MEGF6: variants seen among roughly 807,000 people sequenced by gnomAD.
MEGF6 encodes the protein multiple epidermal growth factor-like domains protein 6.
MEGF6 carries 184 observed loss-of-function variants against 207.1 expected under a neutral mutation model. The ratio of observed to expected loss-of-function variants is 0.89; its 90% CI spans 0.79 to 1.00. The LOEUF (loss-of-function observed/expected upper bound fraction) is 1.00. Among genes scored for constraint, MEGF6 ranks in the 50% least tolerant of loss-of-function variants. MEGF6 has a pLI of 0.00. For synonymous variants in MEGF6, 1,038 were observed against 910.0 expected (o/e 1.14, Z -2.53); for missense variants, 2,282 against 2,202.9 (o/e 1.04, Z -0.72).
chr1:3,525,677 C>T (rs1641934226), intron 4 of MEGF6, among the ~76,000 whole-genome samples: 2 of 152,236 alleles, frequency 1.3e-5, no homozygotes, highest in Non-Finnish European at 2.9e-5. Flanking sequence ...GCAGGACCCC[C>T]GGGATGCACC....
At chr1:3,531,223 C>G in intron 4 of MEGF6, 1 of 1,485,724 alleles carries the variant, frequency 6.7e-7, no homozygotes, top group Non-Finnish European at 8.9e-7. Context: ...CGCGGCCAGC[C>G]CGCGGTCCCG....
chr1:3,506,004 C>A, intron 15 of MEGF6, 104 bp downstream of exon 15: 3 of 1,431,266 alleles, frequency 2.1e-6, no homozygotes, highest in Non-Finnish European at 2.8e-6. Context: ...CCTGGCTGGG[C>A]CCCGATAGCC....
At chr1:3,582,584 A>C (rs10909975) in intron 3 of MEGF6, among the ~76,000 whole-genome samples, 32,317 of 152,000 alleles carry the variant, frequency 0.21, 3,820 homozygotes, top group East Asian at 0.37. Flanking sequence ...TTTAGAATAC[A>C]ACTCAGATCT....
rs1034808716 is a variant in MEGF6 at position 3,611,448 on chromosome 1, C to A, written c.-180G>T. 2.4e-6 allele frequency: 2 copies of A among 817,702 alleles called. No individual in the cohort carries two copies. The highest frequency in any genetic ancestry group is 3.5e-5 in the East Asian group (1 of 28,890). 50.7% of individuals were successfully genotyped at this position (817,702 alleles called of 1,614,324 possible). The stretch of plus-strand genomic sequence containing the variant: ...TTCCCGCCCGCGCCCAAAGTGGCAC[C>A]GCGGAGACCTGATCGCCGGGTCCAC... On this transcript the variant is annotated 5_prime_UTR_variant, in exon 1 of 37. Coordinates refer to ENST00000356575, the MANE Select transcript of MEGF6 (RefSeq NM_001409.4).
At chr1:3,530,371 C>G (rs932531171) in intron 4 of MEGF6, among the ~76,000 whole-genome samples, 1 of 152,218 alleles carries the variant, frequency 6.6e-6, no homozygotes, top group Non-Finnish European at 1.5e-5. Flanking sequence ...TGCCTACCCC[C>G]GGGTGATGCG....
Position 3,600,677 on chromosome 1 carries a change from A to ATTTGGGAG in MEGF6, c.266+1788_266+1789insCTCCCAAA, listed in dbSNP as rs1570237852. Among the ~76,000 whole-genome samples, 12 of 152,266 alleles carry ATTTGGGAG rather than the reference A, an allele frequency of 7.9e-5. No homozygotes were observed. The East Asian group carries it at 1.7e-3, about 22-fold the overall frequency. On this transcript the variant is annotated intron_variant, in intron 2 of 36. Transcript: ENST00000356575. ...TCAGCCTCCAGCAGCTTGGGAGGGG[A>ATTTGGGAG]CACAAATTGGAAACGTGGGATTTGG... is the stretch of plus-strand genomic sequence containing the variant.
At chr1:3,502,000 G>A (rs1197456188) in intron 17 of MEGF6, 79 bp from the exon 18 acceptor site, 2 of 1,504,728 alleles carry the variant, frequency 1.3e-6, no homozygotes, top group Non-Finnish European at 1.8e-6. Flanking sequence ...GGGGCTCCTG[G>A]TGAGTGTGCC....
rs777148828 is a variant in MEGF6, at chr1:3,556,273, G to A, written c.481+23552C>T. 6.6e-6 allele frequency among the ~76,000 whole-genome samples: 1 copy of A among 152,222 alleles called. No individual in the cohort carries two copies. Among genetic ancestry groups the A allele is most frequent in the Admixed American group, 6.5e-5 (1 of 15,290 alleles). On this transcript the variant is annotated intron_variant, in intron 4 of 36. Transcript: ENST00000356575. This position sits in a 1 kb window ranked among gnomAD's most constrained non-coding sequence, Gnocchi z 4.4. ...TACATAACCTAGAGCTCTGTGTGAGGCCCGCAGGCCAGGTCAGAATTAAAC... is the reference window on the plus strand; with the variant it reads ...TACATAACCTAGAGCTCTGTGTGAGACCCGCAGGCCAGGTCAGAATTAAAC...
intron 3 of MEGF6, among the ~76,000 whole-genome samples, chr1:3,581,130 G>A (rs886464277): frequency 1.3e-5 from 2 of 152,106 alleles, no homozygotes; most frequent in Non-Finnish European, 2.9e-5. Flanking sequence ...TGACCGGCTC[G>A]GGCTTCAGGG....
chr1:3,547,728 C>A (rs1284129380), intron 4 of MEGF6, among the ~76,000 whole-genome samples: 1 of 152,198 alleles, frequency 6.6e-6, no homozygotes, highest in Non-Finnish European at 1.5e-5. Flanking sequence ...CTGCCAGGAC[C>A]CAGAGCCCAT....
intron 11 of MEGF6, 139 bp downstream of exon 11, chr1:3,509,731 G>T: frequency 8.3e-7 from 1 of 1,208,288 alleles, no homozygotes; most frequent in Non-Finnish European, 1.1e-6. Context: ...CCTCTGAGGT[G>T]TGTTGGCCCA....
At chr1:3,600,289 GTGGGCACAGGAGGAGTGGC>G (rs375423250) in intron 2 of MEGF6, among the ~76,000 whole-genome samples, 270 of 152,322 alleles carry the variant, frequency 1.8e-3, no homozygotes, top group African/African-American at 4.9e-3. Context: ...AGCTGTCCCT[GTGGGCACAGGAGGAGTGGC>G]CTGTGCCCAC....
Position 3,501,159 on chromosome 1 carries a change from C to G in MEGF6, c.2446+18G>C. 3.1e-6 allele frequency: 5 copies of G among 1,612,550 alleles called. No individual in the cohort carries two copies. In the South Asian group the frequency reaches 5.5e-5, roughly 18 times the overall value. ...CTACCCCAGGTCAAAGGCTCAGGGG[C>G]AGCTCCAGCTCACTCACCGTCCTGG... On this transcript the variant is annotated intron_variant, in intron 19 of 36. Transcript: ENST00000356575.
the MEGF6 span, among the ~76,000 whole-genome samples, chr1:3,618,263 G>A: frequency 1.3e-5 from 2 of 152,122 alleles, no homozygotes; most frequent in African/African-American, 2.4e-5. This position sits in a 1 kb window ranked among gnomAD's most constrained non-coding sequence, Gnocchi z 4.7. Flanking sequence ...AACCAGAACC[G>A]ACACACAGTC....
chr1:3,494,349 G>C, intron 32 of MEGF6, 22 bp downstream of exon 32: 1 of 1,534,464 alleles, frequency 6.5e-7, no homozygotes, highest in South Asian at 1.2e-5. Context: ...CCCCAGCCCA[G>C]CTGCACAGGC....
intron 4 of MEGF6, among the ~76,000 whole-genome samples, chr1:3,540,592 G>T (rs774770684): frequency 1.2e-4 from 19 of 152,330 alleles, no homozygotes; most frequent in Middle Eastern, 3.4e-3. Context: ...CCTACAGGAC[G>T]CCTTAGTCTG....
At chr1:3,571,737 C>T (rs982428851) in intron 4 of MEGF6, among the ~76,000 whole-genome samples, 8 of 117,952 alleles carry the variant, frequency 6.8e-5, no homozygotes, top group Middle Eastern at 4.8e-3. Context: ...TGCGGGTGCA[C>T]TGGGTCTTCC....
At chr1:3,517,242 C>T (rs534445296) in intron 5 of MEGF6, among the ~76,000 whole-genome samples, 12 of 152,212 alleles carry the variant, frequency 7.9e-5, no homozygotes, top group Non-Finnish European at 4.4e-5. Context: ...AGGATCCAGG[C>T]GCCACAAGGG....
rs573836446 is a variant in MEGF6 at position 3,611,294 on chromosome 1, C to T, written c.-26G>A. 1 of 1,428,496 alleles carries T rather than the reference C, an allele frequency of 7.0e-7. No homozygotes were observed. The highest frequency in any genetic ancestry group is 9.1e-7 in the Non-Finnish European group (1 of 1,097,670). 88.5% of individuals were successfully genotyped at this position (1,428,496 alleles called of 1,614,324 possible). A position where few individuals can be genotyped will look rare whatever the true frequency, so the allele number is the denominator to read the frequency against. ...CGTGCGCGCCGGTGCCTCCTCCGCTCTCCGGCTCACAGGCGGCCCCGGCGG... is the reference window on the plus strand; with the variant it reads ...CGTGCGCGCCGGTGCCTCCTCCGCTTTCCGGCTCACAGGCGGCCCCGGCGG... On this transcript the variant is annotated 5_prime_UTR_variant, in exon 1 of 37. Coordinates refer to ENST00000356575, the MANE Select transcript of MEGF6 (RefSeq NM_001409.4).
Sources: allele counts gnomAD v4.1 joint callset (sites outside exome capture counted in the v4.1 genomes callset), GRCh38; gene constraint gnomAD v4.1.1; non-coding constraint Gnocchi (gnomAD v3.1); transcripts MANE v1.5; gene names NCBI Gene and HGNC (gene_info 2026-07-23, HGNC 2026-07-21).